The following TRDN variants were observed in gnomAD, a reference collection of about 807,000 sequenced individuals.
TRDN encodes the protein triadin.
Under a neutral mutation model 149.7 loss-of-function variants are expected in TRDN, and 161 were observed. The ratio of observed to expected loss-of-function variants is 1.08; its 90% confidence interval spans 0.95 to 1.23. TRDN has a LOEUF of 1.23. Among genes scored for constraint, TRDN ranks in the 50% most tolerant of loss-of-function variants. TRDN has a pLI of 0.00. For missense variants in TRDN, 896 were observed against 823.5 expected (o/e 1.09, Z -1.08); for synonymous variants, 294 against 250.5 (o/e 1.17, Z -1.64).
intron 5 of TRDN, among the ~76,000 whole-genome samples, chr6:123,527,560 C>G (rs1049762512): frequency 6.6e-6 from 1 of 151,896 alleles, no homozygotes; most frequent in Non-Finnish European, 1.5e-5. Flanking sequence ...GTAACTTGTA[C>G]TAGAGCACTC....
At chr6:123,530,596 A>T in intron 4 of TRDN, 31 bp from the exon 5 acceptor site, 1 of 1,163,862 alleles carries the variant, frequency 8.6e-7, no homozygotes, top group Non-Finnish European at 1.2e-6. Context: ...TAATTTTAAA[A>T]CTCTGAAAAT....
chr6:123,598,972 G>A (rs1415303475), intron 1 of TRDN, among the ~76,000 whole-genome samples: 2 of 152,010 alleles, frequency 1.3e-5, no homozygotes, highest in Non-Finnish European at 2.9e-5. Flanking sequence ...TGCTGGGTTT[G>A]AATCCTAACT....
chr6:123,551,916 G>A lies in TRDN; in HGVS notation c.233-3304C>T, dbSNP rs1781411258. 1.3e-5 allele frequency among the ~76,000 whole-genome samples: 2 copies of A among 152,048 alleles called. 1 individual carries two copies. The highest frequency in any genetic ancestry group is 4.1e-4 in the South Asian group (2 of 4,832). On this transcript the variant is annotated intron_variant, in intron 2 of 40. Transcript: ENST00000334268. Reference sequence around the variant, plus strand: ...GGGGTTTTCTTGCTCTTAAAAGGAAGAACAAAGACTTTACTGCATGGGAAT... The same window carrying A: ...GGGGTTTTCTTGCTCTTAAAAGGAAAAACAAAGACTTTACTGCATGGGAAT...
At chr6:123,575,461 G>C (rs1393809362) in intron 1 of TRDN, among the ~76,000 whole-genome samples, 1 of 152,086 alleles carries the variant, frequency 6.6e-6, no homozygotes, top group Non-Finnish European at 1.5e-5. Flanking sequence ...ACAAGAGCTA[G>C]TTATTGATAT....
chr6:123,454,937 A>G (rs1776015853), intron 10 of TRDN, among the ~76,000 whole-genome samples: 2 of 152,204 alleles, frequency 1.3e-5, no homozygotes, highest in African/African-American at 4.8e-5. Flanking sequence ...AAGTGACAGA[A>G]CAAAATTTAA....
At chr6:123,269,786 A>G (rs377160766) in intron 31 of TRDN, 63 bp downstream of exon 31, 11 of 1,560,896 alleles carry the variant, frequency 7.0e-6, no homozygotes, top group Non-Finnish European at 7.9e-6. Flanking sequence ...AAAACTAAGC[A>G]AAATTGTTAA....
intron 1 of TRDN, among the ~76,000 whole-genome samples, chr6:123,603,058 C>A (rs185841254): frequency 3.2e-4 from 36 of 112,636 alleles, no homozygotes; most frequent in Admixed American, 2.3e-3. Context: ...ATTCAGAACT[C>A]AGACCTTTGT....
chr6:123,629,571 T>C (rs1785866228), intron 1 of TRDN, among the ~76,000 whole-genome samples: 1 of 152,156 alleles, frequency 6.6e-6, no homozygotes, highest in Non-Finnish European at 1.5e-5. Context: ...CTTTAACTTG[T>C]TTGGGTGAAA....
intron 38 of TRDN, among the ~76,000 whole-genome samples, chr6:123,241,094 C>G (rs1258720102): frequency 6.6e-6 from 1 of 150,826 alleles, no homozygotes; most frequent in African/African-American, 2.5e-5. Context: ...AATTTACTTA[C>G]TCATTAATAG....
At position 123,500,685 on chromosome 6, in the gene TRDN, T is replaced by A. The variant is rs537076751; in HGVS notation, c.793+3034A>T. On this transcript the variant is annotated intron_variant, in intron 8 of 40. Coordinates refer to ENST00000334268, the MANE Select transcript of TRDN (RefSeq NM_006073.4). Reference sequence around the variant, plus strand: ...GATTCTCAGGAAGCAGTGATAGATGTCATTCAAATGATACCTAGTTGGTGT... The same window carrying A: ...GATTCTCAGGAAGCAGTGATAGATGACATTCAAATGATACCTAGTTGGTGT... Among the ~76,000 whole-genome samples the A allele has an allele frequency of 2.4e-4, 37 of 152,238 alleles. 1 individual carries two copies. In the South Asian group the frequency reaches 7.0e-3, roughly 29 times the overall value.
intron 5 of TRDN, among the ~76,000 whole-genome samples, chr6:123,524,083 GAT>G (rs368532908): frequency 1.8e-3 from 275 of 152,206 alleles, no homozygotes; most frequent in African/African-American, 6.3e-3. Flanking sequence ...TACGCACATA[GAT>G]ACATATTTAA....
chr6:123,519,033 G>A (rs1051893266), intron 5 of TRDN, among the ~76,000 whole-genome samples: 6 of 152,180 alleles, frequency 3.9e-5, no homozygotes, highest in Non-Finnish European at 7.3e-5. Context: ...GTTTTCATAT[G>A]GAAGAAGAGT....
intron 11 of TRDN, 137 bp from the exon 12 acceptor site, chr6:123,438,259 A>G: frequency 1.5e-6 from 1 of 650,672 alleles, no homozygotes; most frequent in Non-Finnish European, 2.6e-6. Flanking sequence ...CATGTCAAAT[A>G]TGAATAAGGT....
At chr6:123,324,181 C>A (rs992307277) in intron 23 of TRDN, among the ~76,000 whole-genome samples, 2 of 151,988 alleles carry the variant, frequency 1.3e-5, no homozygotes, top group African/African-American at 4.8e-5. Flanking sequence ...GTACCAGTAT[C>A]GATTTTCTTG....
chr6:123,579,948 C>A (rs567756606), intron 1 of TRDN, among the ~76,000 whole-genome samples: 28 of 152,256 alleles, frequency 1.8e-4, no homozygotes, highest in African/African-American at 5.8e-4. Flanking sequence ...ATGATTGTAA[C>A]TTTCCTGAGG....
intron 2 of TRDN, among the ~76,000 whole-genome samples, chr6:123,550,361 C>T (rs895779955): frequency 4.4e-4 from 67 of 151,980 alleles, no homozygotes; most frequent in African/African-American, 1.5e-3. Flanking sequence ...CAGGTTAATA[C>T]ATTGTTTTTG....
chr6:123,363,682 T>C (rs1472064528), intron 20 of TRDN, among the ~76,000 whole-genome samples: 3 of 152,214 alleles, frequency 2.0e-5, no homozygotes, highest in East Asian at 1.9e-4. Flanking sequence ...CCATACTCTA[T>C]AAACTCAGTG....
intron 10 of TRDN, among the ~76,000 whole-genome samples, chr6:123,453,542 T>C (rs1439879577): frequency 6.6e-6 from 1 of 151,678 alleles, no homozygotes; most frequent in Non-Finnish European, 1.5e-5. Context: ...GAAATGCAAA[T>C]CAAAACCACA....
At chr6:123,297,089 T>G (rs1356486450) in intron 24 of TRDN, among the ~76,000 whole-genome samples, 1 of 152,146 alleles carries the variant, frequency 6.6e-6, no homozygotes, top group Non-Finnish European at 1.5e-5. Flanking sequence ...GTGGTTGATA[T>G]GCCTTTTTCA....
Sources: allele counts gnomAD v4.1 joint callset (sites outside exome capture counted in the v4.1 genomes callset), GRCh38; gene constraint gnomAD v4.1.1; transcripts MANE v1.5; gene names NCBI Gene and HGNC (gene_info 2026-07-23, HGNC 2026-07-21).